The following CHSY3 variants were observed in gnomAD, a reference collection of about 807,000 sequenced individuals.
CHSY3 encodes N-acetylgalactosaminyl-proteoglycan 3-beta-glucuronosyltransferase 3.
In CHSY3, 35 loss-of-function variants were observed where a neutral mutation model predicts 67.2. The ratio of observed to expected loss-of-function variants is 0.52; its 90% CI spans 0.40 to 0.69. CHSY3 has a LOEUF of 0.69. Among genes scored for constraint, CHSY3 ranks in the 30% least tolerant of loss-of-function variants. The pLI is 0.00. For synonymous variants in CHSY3, 474 were observed against 434.7 expected (o/e 1.09, Z -1.12); for missense variants, 1,069 against 1,138.5 (o/e 0.94, Z 0.88).
intron 2 of CHSY3, among the ~76,000 whole-genome samples, chr5:129,969,703 C>T (rs375766125): frequency 6.6e-6 from 1 of 151,684 alleles, no homozygotes; most frequent in East Asian, 1.9e-4. Context: ...CTTTTCTCCC[C>T]GATCTTAAAT....
chr5:130,182,926 A>T, intron 2 of CHSY3, among the ~76,000 whole-genome samples: 1 of 149,590 alleles, frequency 6.7e-6, no homozygotes. Flanking sequence ...TATCTTTTTT[A>T]AGCTTATTTG....
chr5:129,922,649 A>G (rs183472285), intron 2 of CHSY3, among the ~76,000 whole-genome samples: 44 of 152,090 alleles, frequency 2.9e-4, no homozygotes, highest in African/African-American at 9.4e-4. Flanking sequence ...AAAAATGTCA[A>G]TTCAGGTCTT....
At chr5:130,184,131 T>C (rs1770334903) in intron 2 of CHSY3, 98 bp from the exon 3 acceptor site, 3 of 1,163,454 alleles carry the variant, frequency 2.6e-6, no homozygotes, top group Non-Finnish European at 3.3e-6. Flanking sequence ...ACCAAAAATG[T>C]ATTAACATTT....
intron 2 of CHSY3, among the ~76,000 whole-genome samples, chr5:130,169,002 G>T (rs376411242): frequency 6.6e-6 from 1 of 152,112 alleles, no homozygotes; most frequent in African/African-American, 2.4e-5. Flanking sequence ...ATATAGCTGC[G>T]AGTAGGAGAG....
chr5:129,925,593 T>C (rs1761077664), intron 2 of CHSY3, among the ~76,000 whole-genome samples: 1 of 152,132 alleles, frequency 6.6e-6, no homozygotes, highest in Non-Finnish European at 1.5e-5. Context: ...TAAAATCTAC[T>C]ATTTTAGTTG....
At chr5:130,136,993 C>T (rs1561553784) in intron 2 of CHSY3, among the ~76,000 whole-genome samples, 1 of 152,110 alleles carries the variant, frequency 6.6e-6, no homozygotes, top group Non-Finnish European at 1.5e-5. Flanking sequence ...TCTCCACTGG[C>T]TCCAAACAAT....
intron 2 of CHSY3, among the ~76,000 whole-genome samples, chr5:130,131,557 A>G (rs188811344): frequency 1.2e-3 from 188 of 152,314 alleles, no homozygotes; most frequent in African/African-American, 4.2e-3. Context: ...TACTACTAAT[A>G]TAGTCATTGA....
At chr5:130,091,820 T>G (rs548219645) in intron 2 of CHSY3, among the ~76,000 whole-genome samples, 1 of 152,288 alleles carries the variant, frequency 6.6e-6, no homozygotes, top group African/African-American at 2.4e-5. Context: ...AATGACCTCT[T>G]TGCAGAGTTA....
At chr5:129,926,563 A>G (rs1761117313) in intron 2 of CHSY3, among the ~76,000 whole-genome samples, 2 of 151,980 alleles carry the variant, frequency 1.3e-5, no homozygotes, top group South Asian at 4.1e-4. Context: ...ACGGTTGTTT[A>G]AAATTCTGCA....
chr5:130,050,449 C>T (rs1765305239), intron 2 of CHSY3, among the ~76,000 whole-genome samples: 1 of 152,054 alleles, frequency 6.6e-6, no homozygotes. Context: ...ATGGTTATGT[C>T]ATGAAATCTG....
intron 2 of CHSY3, among the ~76,000 whole-genome samples, chr5:130,038,478 C>T (rs1016475480): frequency 6.6e-6 from 1 of 152,000 alleles, no homozygotes; most frequent in African/African-American, 2.4e-5. Flanking sequence ...TCCATGTGAT[C>T]ATCAGTTTGT....
intron 2 of CHSY3, among the ~76,000 whole-genome samples, chr5:130,082,319 T>C (rs1766471630): frequency 6.6e-6 from 1 of 152,068 alleles, no homozygotes; most frequent in South Asian, 2.1e-4. Context: ...TTCAGTATGA[T>C]TAATAACTTT....
At chr5:130,152,156 G>A (rs533707894) in intron 2 of CHSY3, among the ~76,000 whole-genome samples, 1 of 152,168 alleles carries the variant, frequency 6.6e-6, no homozygotes, top group Admixed American at 6.5e-5. Flanking sequence ...CACCCCAGCT[G>A]CATCTTCACA....
chr5:129,968,851 TG>T (rs1762544135), intron 2 of CHSY3, among the ~76,000 whole-genome samples: 1 of 151,794 alleles, frequency 6.6e-6, no homozygotes, highest in South Asian at 2.1e-4. Context: ...CTGAAATATG[TG>T]GGGGTATTTG....
At chr5:130,102,972 T>A (rs1040043686) in intron 2 of CHSY3, among the ~76,000 whole-genome samples, 1 of 151,990 alleles carries the variant, frequency 6.6e-6, no homozygotes, top group South Asian at 2.1e-4. Flanking sequence ...GAAGAAAATA[T>A]GGGTTATTTA....
chr5:130,096,476 G>A (rs916853110), intron 2 of CHSY3, among the ~76,000 whole-genome samples: 2 of 152,150 alleles, frequency 1.3e-5, no homozygotes, highest in African/African-American at 4.8e-5. Flanking sequence ...ACTTTGGTTA[G>A]TAGTATTGTA....
chr5:130,141,480 A>G (rs1580775226), intron 2 of CHSY3: 1 of 366,106 alleles, frequency 2.7e-6, no homozygotes, highest in East Asian at 6.5e-5. Flanking sequence ...GGCATCCTCA[A>G]TGTCTCTCTT....
intron 2 of CHSY3, among the ~76,000 whole-genome samples, chr5:129,957,185 G>A (rs762046681): frequency 2.6e-4 from 39 of 151,856 alleles, no homozygotes; most frequent in Non-Finnish European, 2.8e-4. Flanking sequence ...TTTCACCTCC[G>A]TCGTTATCTA....
At chr5:130,151,139 T>C (rs1400889115) in intron 2 of CHSY3, among the ~76,000 whole-genome samples, 2 of 152,336 alleles carry the variant, frequency 1.3e-5, no homozygotes, top group Middle Eastern at 3.4e-3. Flanking sequence ...ATTTCTGTGA[T>C]AGGTTATACA....
Sources: gnomAD v4.1 joint callset for allele counts (sites outside exome capture counted in the v4.1 genomes callset) on GRCh38, gnomAD v4.1.1 for gene constraint, MANE v1.5 for transcripts, NCBI Gene and HGNC (gene_info 2026-07-23, HGNC 2026-07-21) for gene names.